RALB: variants seen among roughly 807,000 people sequenced by gnomAD.
RALB encodes RAS like proto-oncogene B, also known as ras-related protein Ral-B.
Under a neutral mutation model 21.3 loss-of-function variants are expected in RALB, and 16 were observed. The observed-to-expected ratio is 0.75, with a 90% confidence interval of 0.51 to 1.14. RALB has a LOEUF of 1.14. Among genes scored for constraint, RALB ranks in the 50% most tolerant of loss-of-function variants. RALB has a pLI of 0.00. For synonymous variants in RALB, 93 were observed against 96.1 expected, an observed-to-expected ratio of 0.97 and a Z score of 0.19; for missense variants, 161 against 256.2, an observed-to-expected ratio of 0.63 and a Z score of 2.54.
rs960225153 is a variant in RALB, at chr2:120,259,896, G to A, written c.-48+6916G>A. Among the ~76,000 whole-genome samples the A allele has an allele frequency of 3.9e-5, 6 of 152,346 alleles. No individual in the cohort carries two copies. In the South Asian group the frequency reaches 1.0e-3, roughly 26 times the overall value. On this transcript the variant is annotated intron_variant, in intron 1 of 4. Coordinates refer to ENST00000272519, the MANE Select transcript of RALB (RefSeq NM_002881.3). Reference sequence around the variant, plus strand: ...GGCTGCAGGTCCCAAGCCCTGCCCCGTGGGAAGGCAGCCAAGGCCCGGCGA... The same window carrying A: ...GGCTGCAGGTCCCAAGCCCTGCCCCATGGGAAGGCAGCCAAGGCCCGGCGA...
chr2:120,280,656 A>G (rs1428407155), intron 2 of RALB, among the ~76,000 whole-genome samples: 1 of 152,058 alleles, frequency 6.6e-6, no homozygotes, highest in African/African-American at 2.4e-5. Flanking sequence ...ACCATGGCAC[A>G]TGTATACCTA....
intron 3 of RALB, 124 bp from the exon 4 acceptor site, chr2:120,289,456 C>G: frequency 9.8e-7 from 1 of 1,022,646 alleles, no homozygotes; most frequent in Non-Finnish European, 1.5e-6. Flanking sequence ...AGAACATGCC[C>G]TAAATCTAGT....
chr2:120,252,078 G>T (rs1261941919), upstream of RALB, among the ~76,000 whole-genome samples: 1 of 152,160 alleles, frequency 6.6e-6, no homozygotes, highest in Admixed American at 6.5e-5. Flanking sequence ...AGTTGCGATG[G>T]CTTGTGACTC....
At chr2:120,273,173 T>TG (rs1689707991) in intron 1 of RALB, among the ~76,000 whole-genome samples, 2 of 151,900 alleles carry the variant, frequency 1.3e-5, no homozygotes, top group Non-Finnish European at 2.9e-5. Context: ...TCAGTCTCCC[T>TG]AAAGGCTCAG....
At chr2:120,250,556 C>T (rs866680908), upstream of RALB, among the ~76,000 whole-genome samples, 8 of 152,186 alleles carry the variant, frequency 5.3e-5, no homozygotes, top group African/African-American at 1.7e-4. Flanking sequence ...ACTAAAGACT[C>T]CCACAGTAAT....
Position 120,294,135 on chromosome 2 carries a change from G to C in RALB, c.*875G>C, listed in dbSNP as rs1352771109. 1 of 398,500 alleles carries C rather than the reference G, an allele frequency of 2.5e-6. No homozygotes were observed. Among genetic ancestry groups the C allele is most frequent in the African/African-American group, 2.1e-5 (1 of 48,618 alleles). 24.7% of individuals were successfully genotyped at this position (398,500 alleles called of 1,614,324 possible). On this transcript the variant is annotated 3_prime_UTR_variant, in exon 5 of 5. Transcript: ENST00000272519. ...TAGTGGTGAATGCATGTGTCTGTCTGATCAGCATCACTGCACACGGAGGTC... is the reference window on the plus strand; with the variant it reads ...TAGTGGTGAATGCATGTGTCTGTCTCATCAGCATCACTGCACACGGAGGTC...
At chr2:120,241,581 C>G (rs575398426) in intron 1 of RALB, among the ~76,000 whole-genome samples, 1 of 152,232 alleles carries the variant, frequency 6.6e-6, no homozygotes, top group African/African-American at 2.4e-5. Context: ...TAAAAATTAT[C>G]TGGGCATGGT....
Position 120,286,096 on chromosome 2 carries a change from G to C in RALB, c.323+14G>C, listed in dbSNP as rs764217303. On this transcript the variant is annotated intron_variant, in intron 3 of 4. Coordinates refer to ENST00000272519, the MANE Select transcript of RALB (RefSeq NM_002881.3). ...TGCCGAATTCAGGTATGTCTGAAATGAAATAGCAGAAGCCCCCAGGAAGCT... is the reference window on the plus strand; with the variant it reads ...TGCCGAATTCAGGTATGTCTGAAATCAAATAGCAGAAGCCCCCAGGAAGCT... The C allele has an allele frequency of 2.4e-5, 39 of 1,610,884 alleles. No individual in the cohort carries two copies. The highest frequency in any genetic ancestry group is 3.3e-5 in the Admixed American group (2 of 59,954).
intron 1 of RALB, among the ~76,000 whole-genome samples, chr2:120,243,525 G>T (rs953808270): frequency 6.6e-6 from 1 of 152,186 alleles, no homozygotes; most frequent in African/African-American, 2.4e-5. Flanking sequence ...GTCCCCAGCT[G>T]TCCTCACTGG....
At chr2:120,240,186 C>T (rs1558941384) in intron 1 of RALB, 1 of 1,284,236 alleles carries the variant, frequency 7.8e-7, no homozygotes, top group Non-Finnish European at 1.0e-6. Flanking sequence ...TTGTGACTTG[C>T]CTGTTGTTAT....
intron 1 of RALB, among the ~76,000 whole-genome samples, chr2:120,264,149 A>C (rs1484976440): frequency 6.9e-6 from 1 of 144,952 alleles, no homozygotes; most frequent in Non-Finnish European, 1.5e-5. Flanking sequence ...GCGCTAGCCT[A>C]TTTATTTATT....
intron 4 of RALB, 50 bp downstream of exon 4, chr2:120,289,807 GA>G (rs781702145): frequency 9.3e-6 from 14 of 1,509,470 alleles, no homozygotes; most frequent in Non-Finnish European, 1.2e-5. Flanking sequence ...AGAAACAGCA[GA>G]ATGGAGGCAT....
At chr2:120,279,406 T>C (rs1021843813) in intron 2 of RALB, among the ~76,000 whole-genome samples, 2 of 152,060 alleles carry the variant, frequency 1.3e-5, no homozygotes, top group Non-Finnish European at 2.9e-5. Flanking sequence ...ATTCAAGCAA[T>C]GTAGAATGAA....
chr2:120,249,805 G>A (rs1689026287), upstream of RALB, among the ~76,000 whole-genome samples: 1 of 152,166 alleles, frequency 6.6e-6, no homozygotes, highest in Non-Finnish European at 1.5e-5. Flanking sequence ...AAACTCCTCT[G>A]TATAACCGAG....
In RALB at chr2:120,293,391, T is replaced by C. The variant is rs1202879169; in HGVS notation, c.*131T>C. The C allele has an allele frequency of 7.9e-6, 8 of 1,008,110 alleles. No individual in the cohort carries two copies. The highest frequency in any genetic ancestry group is 8.1e-6 in the Non-Finnish European group (6 of 745,194). 62.4% of individuals were successfully genotyped at this position (1,008,110 alleles called of 1,614,324 possible). ...CTTCATTCACTCAAACTTCTTTAAA[T>C]GGGGAAAAATATTTGTGACTCTGTG... On this transcript the variant is annotated 3_prime_UTR_variant, in exon 5 of 5. Transcript: ENST00000272519.
In RALB at chr2:120,253,659, C is replaced by T. The variant is rs985541518; in HGVS notation, c.-48+679C>T. ...GGGCGCGGAGCTTGCTGCGTCCACA[C>T]TGCTTGTGTGAGCAGTGTCCTCTCT... is the stretch of plus-strand genomic sequence containing the variant. On this transcript the variant is annotated intron_variant, in intron 1 of 4. Coordinates refer to ENST00000272519, the MANE Select transcript of RALB (RefSeq NM_002881.3). 5.6e-5 allele frequency: 55 copies of T among 985,426 alleles called. No individual in the cohort carries two copies. The African/African-American group carries it at 8.9e-4, about 16-fold the overall frequency. 61.0% of individuals were successfully genotyped at this position (985,426 alleles called of 1,614,324 possible). A position where few individuals can be genotyped will look rare whatever the true frequency, so the allele number is the denominator to read the frequency against.
Position 120,256,668 on chromosome 2 carries a change from C to A in RALB, c.-48+3688C>A, listed in dbSNP as rs187204847. On this transcript the variant is annotated intron_variant, in intron 1 of 4. Transcript: ENST00000272519. ...CCTGCGGAACTGTGAGTCAATTAAA[C>A]CCCTTTCCTTTATAAATTACCCAGT... 4.5e-3 allele frequency among the ~76,000 whole-genome samples: 687 copies of A among 152,296 alleles called. 6 individuals carry two copies. Among genetic ancestry groups the A allele is most frequent in the Non-Finnish European group, 5.5e-3 (371 of 68,018 alleles).
chr2:120,271,616 A>G (rs1341820971), intron 1 of RALB, among the ~76,000 whole-genome samples: 10 of 152,206 alleles, frequency 6.6e-5, no homozygotes, highest in Non-Finnish European at 1.5e-4. Flanking sequence ...CCCATACCTT[A>G]TGCTTCAATA....
At chr2:120,267,271 A>T (rs531682352) in intron 1 of RALB, among the ~76,000 whole-genome samples, 1 of 152,188 alleles carries the variant, frequency 6.6e-6, no homozygotes, top group Non-Finnish European at 1.5e-5. Flanking sequence ...GAAATATCTA[A>T]AACAAATTTC....
Sources: allele counts gnomAD v4.1 joint callset (sites outside exome capture counted in the v4.1 genomes callset), GRCh38; gene constraint gnomAD v4.1.1; transcripts MANE v1.5; gene names NCBI Gene and HGNC (gene_info 2026-07-23, HGNC 2026-07-21).